The following ZFAND3 variants were observed in gnomAD, a reference collection of about 807,000 sequenced individuals.
The protein encoded by ZFAND3 is zinc finger AN1-type containing 3.
Under a neutral mutation model 29.6 loss-of-function variants are expected in ZFAND3, and 10 were observed. That is an observed-to-expected ratio of 0.34 (90% CI 0.21 to 0.57). The LOEUF is 0.57. Among genes scored for constraint, ZFAND3 ranks in the 20% least tolerant of loss-of-function variants. ZFAND3 has a pLI of 0.86. For missense variants in ZFAND3, 230 were observed against 304.5 expected (o/e 0.76, Z 1.82); for synonymous variants, 128 against 112.6 (o/e 1.14, Z -0.87).
chr6:37,866,594 A>G (rs1273380574), intron 1 of ZFAND3, among the ~76,000 whole-genome samples: 1 of 152,158 alleles, frequency 6.6e-6, no homozygotes, highest in Admixed American at 6.5e-5. Flanking sequence ...TGTTTTGTTG[A>G]CTGCTTGATT....
intron 2 of ZFAND3, among the ~76,000 whole-genome samples, chr6:38,023,485 T>C (rs1763388525): frequency 6.6e-6 from 1 of 152,204 alleles, no homozygotes; most frequent in Non-Finnish European, 1.5e-5. Context: ...CCACAATGTG[T>C]ATATATTTTG....
intron 4 of ZFAND3, among the ~76,000 whole-genome samples, chr6:38,085,143 T>C (rs1764732381): frequency 1.3e-5 from 2 of 152,250 alleles, no homozygotes; most frequent in Non-Finnish European, 2.9e-5. Context: ...TGCTGGAATG[T>C]TCTTTGTAGC....
chr6:37,978,827 G>T lies in ZFAND3; in HGVS notation c.112+48828G>T, dbSNP rs529372942. 1.7e-3 allele frequency among the ~76,000 whole-genome samples: 253 copies of T among 152,236 alleles called. 2 individuals are homozygous for T. Among genetic ancestry groups the T allele is most frequent in the Non-Finnish European group, 1.5e-4 (10 of 68,018 alleles). On this transcript the variant is annotated intron_variant, in intron 2 of 5. Transcript: ENST00000287218. Reference sequence around the variant, plus strand: ...TTACAGGCGCCGGCCACCACACTGGGCTAATTTTTGTATTTTTAGTAGAGA... The same window carrying T: ...TTACAGGCGCCGGCCACCACACTGGTCTAATTTTTGTATTTTTAGTAGAGA...
chr6:37,913,673 A>C (rs1412848623), intron 1 of ZFAND3, among the ~76,000 whole-genome samples: 1 of 132,338 alleles, frequency 7.6e-6, no homozygotes, highest in Non-Finnish European at 1.7e-5. Flanking sequence ...ATAGTCTATT[A>C]TTTACTTTGC....
chr6:38,040,728 A>G (rs1561976213), intron 2 of ZFAND3, among the ~76,000 whole-genome samples: 1 of 152,120 alleles, frequency 6.6e-6, no homozygotes, highest in Admixed American at 6.5e-5. Flanking sequence ...CCACGTGCAT[A>G]TTTTTCTGAA....
chr6:38,009,703 A>G (rs1173334060), intron 2 of ZFAND3, among the ~76,000 whole-genome samples: 1 of 152,196 alleles, frequency 6.6e-6, no homozygotes, highest in African/African-American at 2.4e-5. Flanking sequence ...CCTTCATCTT[A>G]AACTCCAATA....
chr6:38,133,800 A>C (rs1765789800), intron 5 of ZFAND3, among the ~76,000 whole-genome samples: 1 of 152,018 alleles, frequency 6.6e-6, no homozygotes, highest in South Asian at 2.1e-4. Context: ...TTTTTTATAA[A>C]GTTGAAACTG....
rs548576260 is a variant in ZFAND3, at chr6:37,864,486, G to T, written c.71+44470G>T. 5.3e-5 allele frequency among the ~76,000 whole-genome samples: 8 copies of T among 152,212 alleles called. No individual in the cohort carries two copies. The East Asian group carries it at 1.3e-3, about 26-fold the overall frequency. On this transcript the variant is annotated intron_variant, in intron 1 of 5. Coordinates refer to ENST00000287218, the MANE Select transcript of ZFAND3 (RefSeq NM_021943.3). The stretch of plus-strand genomic sequence containing the variant: ...TCTGGGGATCTGAGATAAGCAAAAT[G>T]ATGGTTTCTTAATTAAATATGAGTA...
chr6:37,929,061 A>G (rs1033464491), intron 1 of ZFAND3, among the ~76,000 whole-genome samples: 1 of 152,196 alleles, frequency 6.6e-6, no homozygotes, highest in African/African-American at 2.4e-5. Context: ...TGGCAGAGGA[A>G]GGGGTAACAT....
Position 38,152,496 on chromosome 6 carries a change from G to T in ZFAND3, c.*107G>T. On this transcript the variant is annotated 3_prime_UTR_variant, in exon 6 of 6. Coordinates refer to ENST00000287218, the MANE Select transcript of ZFAND3 (RefSeq NM_021943.3). The stretch of plus-strand genomic sequence containing the variant: ...TGTACTGGGCACGCGTCAGACTGCA[G>T]CCAGTCCGTTTCCTTTCTTTAGCCA... The T allele has an allele frequency of 7.2e-7, 1 of 1,382,464 alleles. No homozygotes were observed. The highest frequency in any genetic ancestry group is 1.9e-5 in the South Asian group (1 of 52,356). The allele number at this position is 1,382,464 out of a possible 1,614,324, so 85.6% of individuals were successfully genotyped here.
At chr6:37,986,459 C>T (rs1033586438) in intron 2 of ZFAND3, among the ~76,000 whole-genome samples, 1 of 152,162 alleles carries the variant, frequency 6.6e-6, no homozygotes, top group African/African-American at 2.4e-5. Flanking sequence ...AAGCCACTAC[C>T]AGTACCTGCT....
At chr6:37,822,052 C>T (rs955816587) in intron 1 of ZFAND3, among the ~76,000 whole-genome samples, 1 of 152,182 alleles carries the variant, frequency 6.6e-6, no homozygotes, top group East Asian at 1.9e-4. Flanking sequence ...CTAAGGTGGT[C>T]TCAAACTTCT....
intron 4 of ZFAND3, among the ~76,000 whole-genome samples, chr6:38,106,982 TTA>T (rs1400474740): frequency 6.6e-6 from 1 of 152,186 alleles, no homozygotes; most frequent in Non-Finnish European, 1.5e-5. Flanking sequence ...GGGCTTTTCT[TTA>T]TGTTTTTTAG....
At chr6:37,874,111 G>T (rs1486624476) in intron 1 of ZFAND3, among the ~76,000 whole-genome samples, 6 of 152,134 alleles carry the variant, frequency 3.9e-5, no homozygotes, top group Non-Finnish European at 8.8e-5. Flanking sequence ...TCCTCTTCAG[G>T]CAGTGAAGGA....
intron 1 of ZFAND3, among the ~76,000 whole-genome samples, chr6:37,885,007 T>C (rs1376363742): frequency 1.3e-5 from 2 of 152,174 alleles, no homozygotes; most frequent in Admixed American, 1.3e-4. Flanking sequence ...ATGATTGTTT[T>C]CAGAAATCTA....
At chr6:38,114,869 C>T (rs990705972) in intron 4 of ZFAND3, among the ~76,000 whole-genome samples, 13 of 152,188 alleles carry the variant, frequency 8.5e-5, no homozygotes, top group Admixed American at 6.5e-4. Context: ...ATGGAGGGAA[C>T]ATCAGTAAAC....
intron 5 of ZFAND3, among the ~76,000 whole-genome samples, chr6:38,148,910 T>C (rs1436285060): frequency 2.6e-5 from 4 of 152,204 alleles, no homozygotes; most frequent in Non-Finnish European, 5.9e-5. Flanking sequence ...ATTTATGCCA[T>C]CTAATAACCT....
chr6:37,924,076 G>A (rs1227046220), intron 1 of ZFAND3, among the ~76,000 whole-genome samples: 1 of 151,938 alleles, frequency 6.6e-6, no homozygotes, highest in East Asian at 1.9e-4. Context: ...AATTTAAGCA[G>A]ATTTCTCACT....
intron 2 of ZFAND3, among the ~76,000 whole-genome samples, chr6:37,931,742 G>T (rs1195623729): frequency 7.2e-5 from 11 of 151,950 alleles, no homozygotes; most frequent in South Asian, 2.1e-4. Context: ...GATTTTTTTT[G>T]TTGTTGTTAA....
Sources: allele counts gnomAD v4.1 joint callset (sites outside exome capture counted in the v4.1 genomes callset), GRCh38; gene constraint gnomAD v4.1.1; transcripts MANE v1.5; gene names NCBI Gene and HGNC (gene_info 2026-07-23, HGNC 2026-07-21).